The following INPP4A variants were observed in gnomAD, a reference collection of about 807,000 sequenced individuals.
INPP4A encodes the protein inositol polyphosphate-4-phosphatase type I A.
A neutral mutation model predicts 119.8 loss-of-function variants in INPP4A; 33 were observed. The observed-to-expected ratio is 0.28, with a 90% CI of 0.21 to 0.37. The LOEUF (loss-of-function observed/expected upper bound fraction) is 0.37, where lower values mean the gene tolerates loss of function less well. Ranked by LOEUF, INPP4A falls within the 10% of genes least tolerant of loss-of-function variation. INPP4A has a pLI of 1.00. For synonymous variants in INPP4A, 496 were observed against 500.7 expected, an observed-to-expected ratio of 0.99 and a Z score of 0.12; for missense variants, 956 against 1,289.9, an observed-to-expected ratio of 0.74 and a Z score of 3.97.
intron 24 of INPP4A, among the ~76,000 whole-genome samples, chr2:98,580,395 G>T (rs1699121178): frequency 1.3e-5 from 2 of 152,206 alleles, no homozygotes; most frequent in South Asian, 4.1e-4. Flanking sequence ...CATTTCTGTG[G>T]CATAAACGCT....
intron 1 of INPP4A, among the ~76,000 whole-genome samples, chr2:98,506,812 G>A (rs1574810767): frequency 6.6e-6 from 1 of 152,234 alleles, no homozygotes; most frequent in South Asian, 2.1e-4. Context: ...GCCTCCTGGA[G>A]TGGCCCACAA....
intron 1 of INPP4A, among the ~76,000 whole-genome samples, chr2:98,501,068 T>C (rs1295576965): frequency 6.6e-6 from 1 of 152,228 alleles, no homozygotes; most frequent in Admixed American, 6.5e-5. Context: ...AGCACTGGGA[T>C]ATTTTTGGGA....
At chr2:98,530,353 C>T (rs1199763391) in intron 4 of INPP4A, among the ~76,000 whole-genome samples, 1 of 152,068 alleles carries the variant, frequency 6.6e-6, no homozygotes, top group South Asian at 2.1e-4. Flanking sequence ...GGATTAGACA[C>T]TAAGTGTCTA....
chr2:98,526,085 A>G (rs1688133299), intron 4 of INPP4A, among the ~76,000 whole-genome samples: 1 of 152,270 alleles, frequency 6.6e-6, no homozygotes, highest in Non-Finnish European at 1.5e-5. Context: ...AATAAATTGT[A>G]CAATGGAATA....
At chr2:98,500,987 A>T (rs1683006562) in intron 1 of INPP4A, among the ~76,000 whole-genome samples, 1 of 152,236 alleles carries the variant, frequency 6.6e-6, no homozygotes, top group African/African-American at 2.4e-5. Context: ...CTAGTTTAAA[A>T]TATTCCATAT....
chr2:98,546,205 C>T lies in INPP4A; in HGVS notation c.1054+132C>T. 1 of 627,518 alleles carries T rather than the reference C, an allele frequency of 1.6e-6. No homozygotes were observed. The highest frequency in any genetic ancestry group is 2.0e-5 in the South Asian group (1 of 49,428). 38.9% of individuals were successfully genotyped at this position (627,518 alleles called of 1,614,324 possible). ...GGCGGCTCGGAGGAGAGATTTGTCA[C>T]AAGGACCTTCAAAAGGTTTCTGATA... is the stretch of plus-strand genomic sequence containing the variant. On this transcript the variant is annotated intron_variant, in intron 12 of 24. Coordinates refer to ENST00000409851, the MANE Select transcript of INPP4A (RefSeq NM_001134225.2). This position sits in a 1 kb window ranked among gnomAD's most constrained non-coding sequence, Gnocchi z 4.2.
rs768880122 is a variant in INPP4A at position 98,543,925 on chromosome 2, C to T, written c.867C>T (p.Ser289=). ...GAGAGCTGTCCCCTTGCTGGGAGAG[C>T]CTCCGGCGCCAAATTGTCACCCAGT... The part of the protein sequence containing the change: ...ELGELSPCWE[S]LRRQIVTQYQ... Residue 289 remains serine (S), a synonymous_variant, in exon 11 of 25, where the codon AGC becomes AGT. Coordinates refer to ENST00000409851, the MANE Select transcript of INPP4A (RefSeq NM_001134225.2). 1 of 1,610,792 alleles carries T rather than the reference C, an allele frequency of 6.2e-7. No homozygotes were observed. The highest frequency in any genetic ancestry group is 8.5e-7 in the Non-Finnish European group (1 of 1,178,450).
chr2:98,526,034 CA>C (rs1220900392), intron 4 of INPP4A, among the ~76,000 whole-genome samples: 1 of 152,078 alleles, frequency 6.6e-6, no homozygotes, highest in African/African-American at 2.4e-5. Flanking sequence ...TTTAATAGTT[CA>C]AAACGGAAAA....
chr2:98,508,464 A>T (rs1049089556), intron 1 of INPP4A, among the ~76,000 whole-genome samples: 1 of 152,084 alleles, frequency 6.6e-6, no homozygotes, highest in Non-Finnish European at 1.5e-5. Flanking sequence ...TACCCCCCTT[A>T]TTGTGGACCC....
chr2:98,541,799 G>A (rs573477657), intron 10 of INPP4A, among the ~76,000 whole-genome samples: 3 of 152,294 alleles, frequency 2.0e-5, no homozygotes, highest in Admixed American at 2.0e-4. Context: ...TGCCTAGGCT[G>A]GTCCCTAGCT....
intron 24 of INPP4A, among the ~76,000 whole-genome samples, chr2:98,579,199 A>G (rs1698913678): frequency 6.6e-6 from 1 of 152,024 alleles, no homozygotes; most frequent in African/African-American, 2.4e-5. Flanking sequence ...ACAGATGCCC[A>G]CCACCACACC....
intron 14 of INPP4A, among the ~76,000 whole-genome samples, chr2:98,553,576 T>TAC (rs145312166): frequency 8.6e-5 from 13 of 150,938 alleles, no homozygotes; most frequent in Middle Eastern, 3.2e-3. Flanking sequence ...CACGCTCTCA[T>TAC]ACACACACAC....
chr2:98,521,143 T>G (rs530445271), intron 4 of INPP4A: 26 of 174,776 alleles, frequency 1.5e-4, no homozygotes, highest in East Asian at 8.5e-4. Context: ...TGGCTGAGTT[T>G]CGCTCTCTAG....
chr2:98,583,333 A>G (rs951583881), intron 24 of INPP4A, among the ~76,000 whole-genome samples: 7 of 152,168 alleles, frequency 4.6e-5, no homozygotes. Context: ...TGCCAAAAAA[A>G]AAAGTGATCC....
Position 98,569,733 on chromosome 2 carries a change from C to T in INPP4A, c.2518+1065C>T, listed in dbSNP as rs1437215900. The T allele has an allele frequency of 1.3e-5, 2 of 152,156 alleles. No individual in the cohort carries two copies. Among genetic ancestry groups the T allele is most frequent in the African/African-American group, 2.4e-5 (1 of 41,382 alleles). 9.4% of individuals were successfully genotyped at this position (152,156 alleles called of 1,614,324 possible). On this transcript the variant is annotated intron_variant, in intron 22 of 24. Transcript: ENST00000409851. This position sits in a 1 kb window ranked among gnomAD's most constrained non-coding sequence, Gnocchi z 5.1. The stretch of plus-strand genomic sequence containing the variant: ...CATGTGCTTGGATTGTGGCTGAAGC[C>T]GTCCTGCTAGGAGAGAGTGATGCAG...
intron 1 of INPP4A, among the ~76,000 whole-genome samples, chr2:98,453,654 G>A (rs1695596552): frequency 6.6e-6 from 1 of 152,136 alleles, no homozygotes; most frequent in Non-Finnish European, 1.5e-5. Flanking sequence ...GGTGGTCTGT[G>A]ACTCGCCATA....
In INPP4A at chr2:98,508,086, A is replaced by G. The variant is rs546529017; in HGVS notation, c.-165-10878A>G. On this transcript the variant is annotated intron_variant, in intron 1 of 24. Coordinates refer to ENST00000409851, the MANE Select transcript of INPP4A (RefSeq NM_001134225.2). ...GCCCACTTTGCATTCTGTCCTGAGA[A>G]GCCATGAGCAGCTGCAGCCACACCT... Among the ~76,000 whole-genome samples the G allele has an allele frequency of 4.9e-4, 75 of 152,238 alleles. 1 individual carries two copies. Among genetic ancestry groups the G allele is most frequent in the African/African-American group, 1.8e-3 (73 of 41,536 alleles).
At chr2:98,516,491 G>A (rs1175373817) in intron 1 of INPP4A, among the ~76,000 whole-genome samples, 1 of 152,194 alleles carries the variant, frequency 6.6e-6, no homozygotes, top group Non-Finnish European at 1.5e-5. Context: ...AAAGGGGTAG[G>A]CATGGGTGAG....
intron 22 of INPP4A, 39 bp downstream of exon 22, chr2:98,568,707 G>A (rs777666310): frequency 6.1e-6 from 7 of 1,146,868 alleles, no homozygotes; most frequent in East Asian, 2.5e-5. Context: ...TCACTTACTC[G>A]TCTTTTTATC....
Sources: allele counts gnomAD v4.1 joint callset (sites outside exome capture counted in the v4.1 genomes callset), GRCh38; gene constraint gnomAD v4.1.1; non-coding constraint Gnocchi (gnomAD v3.1); transcripts MANE v1.5; gene names NCBI Gene and HGNC (gene_info 2026-07-23, HGNC 2026-07-21).